The following DLAT variants were observed in gnomAD, a reference collection of about 807,000 sequenced individuals.
DLAT encodes the protein dihydrolipoyllysine-residue acetyltransferase component of pyruvate dehydrogenase complex, mitochondrial.
A neutral mutation model predicts 68.0 loss-of-function variants in DLAT; 43 were observed. That is an observed-to-expected ratio of 0.63 (90% CI 0.50 to 0.81). The LOEUF (loss-of-function observed/expected upper bound fraction) is 0.81. Among genes scored for constraint, DLAT ranks in the 40% least tolerant of loss-of-function variants. The pLI, the probability that DLAT is intolerant of heterozygous loss-of-function variation, is 0.00. For synonymous variants in DLAT, 265 were observed against 288.6 expected, an observed-to-expected ratio of 0.92 and a Z score of 0.83; for missense variants, 745 against 815.4, an observed-to-expected ratio of 0.91 and a Z score of 1.05.
At position 112,051,601 on chromosome 11, in the gene DLAT, A is replaced by G. The variant is rs1863634539; in HGVS notation, c.1514+252A>G. Among the ~76,000 whole-genome samples, 1 of 151,680 alleles carries G rather than the reference A, an allele frequency of 6.6e-6. No individual in the cohort carries two copies. Among genetic ancestry groups the G allele is most frequent in the African/African-American group, 2.4e-5 (1 of 41,248 alleles). Reference sequence around the variant, plus strand: ...TGTTGTTGATTTATTTTTTAAAGAGATAGGGTCTTGCTCTGTTGTCCAGGC... The same window carrying G: ...TGTTGTTGATTTATTTTTTAAAGAGGTAGGGTCTTGCTCTGTTGTCCAGGC... On this transcript the variant is annotated intron_variant, in intron 11 of 13. Coordinates refer to ENST00000280346, the MANE Select transcript of DLAT (RefSeq NM_001931.5). The surrounding 1 kb of genome is among the most constrained non-coding windows in gnomAD (Gnocchi z 4.3).
chr11:112,062,427 G>A lies in DLAT; in HGVS notation c.1836G>A (p.Met612Ile). Residue 612 changes from methionine to isoleucine, a missense_variant, in exon 14 of 14, where the codon ATG becomes ATA. Coordinates refer to ENST00000280346, the MANE Select transcript of DLAT (RefSeq NM_001931.5). ...CTAGGTTTGATGTGGCTAGCATGAT[G>A]TCTGTTACACTCAGTTGTGATCACC... is the stretch of plus-strand genomic sequence containing the variant. ...NEKGFDVASM[M>I]SVTLSCDHRV... The A allele has an allele frequency of 6.2e-7, 1 of 1,612,610 alleles. No homozygotes were observed. Among genetic ancestry groups the A allele is most frequent in the Non-Finnish European group, 8.5e-7 (1 of 1,180,010 alleles).
Position 112,051,126 on chromosome 11 carries a change from C to G in DLAT, c.1399-108C>G. On this transcript the variant is annotated intron_variant, in intron 10 of 13. Transcript: ENST00000280346. This position sits in a 1 kb window ranked among gnomAD's most constrained non-coding sequence, Gnocchi z 4.3. Reference sequence around the variant, plus strand: ...ACAGGTGCAGCAAACCACCATGGCACATGTTTACCTATATAATAAACCTGG... The same window carrying G: ...ACAGGTGCAGCAAACCACCATGGCAGATGTTTACCTATATAATAAACCTGG... The G allele has an allele frequency of 1.4e-6, 1 of 734,064 alleles. No homozygotes were observed. The highest frequency in any genetic ancestry group is 2.2e-6 in the Non-Finnish European group (1 of 444,638). The allele number at this position is 734,064 out of a possible 1,614,324, so 45.5% of individuals were successfully genotyped here.
intron 10 of DLAT, among the ~76,000 whole-genome samples, chr11:112,046,431 A>ATT (rs782723101): frequency 1.4e-5 from 2 of 141,752 alleles, no homozygotes; most frequent in Non-Finnish European, 3.1e-5. Context: ...TTATTTCCAG[A>ATT]TTTTTTTTTT....
Position 112,051,271 on chromosome 11 carries a change from T to C in DLAT, c.1436T>C (p.Phe479Ser). ...AGAAGCAAAATTTCTGTCAATGACT[T>C]CATCATAAAAGCTTCAGCTTTGGCA... ...EGRSKISVNDFIIKASALACL... is the reference protein window; with the variant it reads ...EGRSKISVNDSIIKASALACL... The change falls in exon 11 of 14, where the codon TTC becomes TCC. Residue 479 changes from phenylalanine to serine, a missense_variant. Transcript: ENST00000280346. This position sits in a 1 kb window ranked among gnomAD's most constrained non-coding sequence, Gnocchi z 4.3. The C allele has an allele frequency of 6.2e-7, 1 of 1,613,268 alleles. No homozygotes were observed.
At chr11:112,060,336 A>T (rs1555183079) in intron 12 of DLAT, among the ~76,000 whole-genome samples, 3 of 149,730 alleles carry the variant, frequency 2.0e-5, no homozygotes. Flanking sequence ...AGTTTTTTGT[A>T]TTTTTAGTAG....
intron 10 of DLAT, among the ~76,000 whole-genome samples, chr11:112,048,969 ATTTTTTTTT>A (rs34651095): frequency 9.6e-5 from 9 of 93,670 alleles, no homozygotes; most frequent in African/African-American, 3.1e-4. Context: ...TTTTCTCAAG[ATTTTTTTTT>A]TTTTTTTTTT....
At position 112,025,539 on chromosome 11, in the gene DLAT, A is replaced by C. The variant is rs782448485; in HGVS notation, c.67A>C (p.Thr23Pro). The part of the protein sequence containing the change: ...APWAGLEARW[T>P]ALQEVPGTPR... ...ATGGGCGGGACTCGAGGCTCGGTGG[A>C]CGGCCTTGCAGGAGGTACCCGGAAC... is the stretch of plus-strand genomic sequence containing the variant. The change falls in exon 1 of 14, where the codon ACG becomes CCG. Residue 23 changes from threonine (T) to proline (P), a missense_variant. By Grantham distance (38) the Thr-to-Pro change is conservative (BLOSUM62 -1). Transcript: ENST00000280346. 6.2e-7 allele frequency: 1 copy of C among 1,613,782 alleles called. No homozygotes were observed.
Position 112,045,190 on chromosome 11 carries a change from C to T in DLAT, c.1250C>T (p.Thr417Ile), listed in dbSNP as rs1863242921. ...PTGPGMAPVP[T>I]GVFTDIPISN... ...GGTCCTGGAATGGCACCAGTTCCTA[C>T]AGGTGTCTTCACAGATATCCCAATC... is the stretch of plus-strand genomic sequence containing the variant. Residue 417 changes from threonine (T) to isoleucine (I), a missense_variant, in exon 9 of 14, where the codon ACA (threonine) becomes ATA (isoleucine). By Grantham distance (89) the Thr-to-Ile change is moderately conservative. Transcript: ENST00000280346. 1 of 1,614,038 alleles carries T rather than the reference C, an allele frequency of 6.2e-7. No homozygotes were observed. The highest frequency in any genetic ancestry group is 1.3e-5 in the African/African-American group (1 of 74,922).
chr11:112,043,319 C>T (rs944287080), intron 7 of DLAT, 147 bp from the exon 8 acceptor site: 2 of 752,036 alleles, frequency 2.7e-6, no homozygotes, highest in Non-Finnish European at 4.8e-6. Flanking sequence ...GTAGGTAGCA[C>T]CTTAAGGGGT....
intron 11 of DLAT, among the ~76,000 whole-genome samples, chr11:112,058,799 C>T (rs781917282): frequency 6.6e-6 from 1 of 151,940 alleles, no homozygotes; most frequent in Non-Finnish European, 1.5e-5. Context: ...TTTGTTCATC[C>T]CTGCTTCAAA....
chr11:112,025,778 AC>A (rs1555179182), intron 1 of DLAT, 27 bp downstream of exon 1: 2 of 1,611,952 alleles, frequency 1.2e-6, no homozygotes, highest in South Asian at 1.1e-5. Context: ...CCTTCTCGGG[AC>A]CCCGTTGTCC....
chr11:112,035,626 C>T (rs1862671120), intron 5 of DLAT, among the ~76,000 whole-genome samples: 3 of 150,682 alleles, frequency 2.0e-5, no homozygotes. Flanking sequence ...GTAGCTGGGA[C>T]TACAGGTGCA....
chr11:112,059,613 A>C (rs1864411397), intron 11 of DLAT, among the ~76,000 whole-genome samples: 1 of 152,134 alleles, frequency 6.6e-6, no homozygotes, highest in African/African-American at 2.4e-5. Flanking sequence ...GGCTGGTCTC[A>C]AACTACTGAC....
chr11:112,054,044 C>T (rs1476263598), intron 11 of DLAT, among the ~76,000 whole-genome samples: 2 of 151,906 alleles, frequency 1.3e-5, no homozygotes, highest in Non-Finnish European at 2.9e-5. Context: ...TATGGTGGCT[C>T]ACACCTGTAA....
chr11:112,043,572 C>A, intron 8 of DLAT, 39 bp downstream of exon 8: 2 of 1,511,580 alleles, frequency 1.3e-6, no homozygotes, highest in Non-Finnish European at 1.8e-6. Context: ...TGCAGTTTGT[C>A]TCTACAGCCT....
At chr11:112,052,931 T>TA (rs1257665344) in intron 11 of DLAT, among the ~76,000 whole-genome samples, 1 of 152,066 alleles carries the variant, frequency 6.6e-6, no homozygotes, top group Non-Finnish European at 1.5e-5. Context: ...TAACAAAACA[T>TA]ACTCCTATCA....
chr11:112,026,298 A>C lies in DLAT; in HGVS notation c.380A>C (p.Glu127Ala). ...DKINEGDLIA[E>A]VETDKATVGF... ...ATCAATGAAGGTGACCTAATTGCAG[A>C]GGTAAGTTTTTTTTTTTTTTTTTAA... is the stretch of plus-strand genomic sequence containing the variant. The change falls in exon 2 of 14, where the codon GAG becomes GCG. Residue 127 changes from glutamate (E) to alanine (A), a missense_variant and splice_region_variant. Glu to Ala is a moderately radical substitution (Grantham distance 107). Transcript: ENST00000280346. The C allele has an allele frequency of 7.1e-7, 1 of 1,412,168 alleles. No homozygotes were observed. Among genetic ancestry groups the C allele is most frequent in the South Asian group, 1.5e-5 (1 of 65,256 alleles). The allele number at this position is 1,412,168 out of a possible 1,614,324, so 87.5% of individuals were successfully genotyped here.
intron 4 of DLAT, chr11:112,029,718 G>A: frequency 2.8e-6 from 1 of 362,172 alleles, no homozygotes; most frequent in Admixed American, 3.7e-5. Flanking sequence ...GTACTTCCAG[G>A]GTCTCTTGAT....
intron 5 of DLAT, 69 bp downstream of exon 5, chr11:112,033,599 T>C: frequency 2.6e-6 from 4 of 1,565,774 alleles, no homozygotes; most frequent in Non-Finnish European, 3.5e-6. Context: ...TTGCCATTCT[T>C]TCCTATAATG....
Sources: gnomAD v4.1 joint callset for allele counts (sites outside exome capture counted in the v4.1 genomes callset) on GRCh38, gnomAD v4.1.1 for gene constraint, Gnocchi (gnomAD v3.1) non-coding constraint, MANE v1.5 for transcripts, NCBI Gene and HGNC (gene_info 2026-07-23, HGNC 2026-07-21) for gene names.